The following PCDH9 variants were observed in gnomAD, a reference collection of about 807,000 sequenced individuals.
PCDH9 encodes protocadherin 9, also known as protocadherin-9.
Under a neutral mutation model 70.6 loss-of-function variants are expected in PCDH9, and 24 were observed. The observed-to-expected ratio is 0.34, with a 90% CI of 0.25 to 0.48. PCDH9 has a LOEUF of 0.48. PCDH9 is among the 20% of genes least tolerant of loss of function. PCDH9 has a pLI of 0.99. For synonymous variants in PCDH9, 562 were observed against 558.5 expected (o/e 1.01, Z -0.09); for missense variants, 1,281 against 1,503.6 (o/e 0.85, Z 2.45).
chr13:66,378,451 G>A (rs992006859), intron 4 of PCDH9, among the ~76,000 whole-genome samples: 4 of 152,090 alleles, frequency 2.6e-5, no homozygotes, highest in Non-Finnish European at 5.9e-5. Flanking sequence ...GTGTTTAACT[G>A]TAAATTTTCA....
chr13:66,338,850 C>T (rs746182785), intron 4 of PCDH9, among the ~76,000 whole-genome samples: 15 of 150,404 alleles, frequency 1.0e-4, no homozygotes, highest in Non-Finnish European at 1.6e-4. Context: ...TCCATTGCTT[C>T]TGCAGAGATG....
intron 3 of PCDH9, among the ~76,000 whole-genome samples, chr13:66,699,205 C>T (rs931127550): frequency 6.6e-6 from 1 of 152,040 alleles, no homozygotes; most frequent in African/African-American, 2.4e-5. Context: ...TGAGCCACTG[C>T]GCCTGGCCCC....
chr13:66,705,141 A>T (rs1385000943), intron 3 of PCDH9, among the ~76,000 whole-genome samples: 1 of 152,176 alleles, frequency 6.6e-6, no homozygotes, highest in Non-Finnish European at 1.5e-5. Flanking sequence ...TAGAGTGTTT[A>T]TGGAAGAGAT....
chr13:66,953,007 T>C (rs183618701), intron 2 of PCDH9, among the ~76,000 whole-genome samples: 21 of 152,198 alleles, frequency 1.4e-4, no homozygotes, highest in Non-Finnish European at 2.4e-4. Flanking sequence ...CTCATACATT[T>C]AACTTGTAAA....
At chr13:67,223,485 TATCATAAA>T (rs1299415377) in intron 2 of PCDH9, 2 of 152,152 alleles carry the variant, frequency 1.3e-5, no homozygotes, top group Non-Finnish European at 2.9e-5. Flanking sequence ...TAATTATGCA[TATCATAAA>T]ATACCATGTG....
chr13:67,020,084 A>G (rs1034724916), intron 2 of PCDH9, among the ~76,000 whole-genome samples: 20 of 152,216 alleles, frequency 1.3e-4, no homozygotes, highest in African/African-American at 4.6e-4. Flanking sequence ...TTTCAGAATG[A>G]GCATGTATCA....
intron 4 of PCDH9, among the ~76,000 whole-genome samples, chr13:66,584,298 C>T (rs1424821947): frequency 6.6e-6 from 1 of 152,078 alleles, no homozygotes; most frequent in African/African-American, 2.4e-5. Context: ...TGCAATATCT[C>T]AAAGCAATCC....
At chr13:66,730,654 A>T (rs2079060251) in intron 3 of PCDH9, among the ~76,000 whole-genome samples, 1 of 151,662 alleles carries the variant, frequency 6.6e-6, no homozygotes, top group African/African-American at 2.4e-5. Context: ...TGACTGACAT[A>T]ACAGGTGCAC....
At chr13:66,793,026 C>A (rs111661848) in intron 3 of PCDH9, among the ~76,000 whole-genome samples, 6,144 of 151,994 alleles carry the variant, frequency 0.04, 435 homozygotes, top group African/African-American at 0.14. Context: ...TGGTAAGATT[C>A]TTTGTGAACC....
chr13:66,559,821 T>C (rs865815421), intron 4 of PCDH9, among the ~76,000 whole-genome samples: 1 of 77,320 alleles, frequency 1.3e-5, no homozygotes, highest in Non-Finnish European at 2.5e-5. Context: ...AAAAAAAATA[T>C]ATATATATAT....
intron 3 of PCDH9, among the ~76,000 whole-genome samples, chr13:66,860,309 G>A (rs2081461115): frequency 6.7e-6 from 1 of 148,784 alleles, no homozygotes; most frequent in South Asian, 2.3e-4. Flanking sequence ...CTTCTGGAAA[G>A]ATGCCACTTC....
At chr13:67,138,102 C>T (rs979125694) in intron 2 of PCDH9, among the ~76,000 whole-genome samples, 6 of 151,898 alleles carry the variant, frequency 4.0e-5, no homozygotes, top group African/African-American at 1.5e-4. Context: ...AAAAATTCAC[C>T]GACTTCTATA....
chr13:67,210,731 T>C (rs1186505737), intron 2 of PCDH9: 2 of 152,040 alleles, frequency 1.3e-5, no homozygotes, highest in South Asian at 4.1e-4. Context: ...TGAATAGACA[T>C]TATTGTAGCC....
chr13:66,813,873 T>TA (rs1401546924), intron 3 of PCDH9, among the ~76,000 whole-genome samples: 1 of 151,766 alleles, frequency 6.6e-6, no homozygotes, highest in African/African-American at 2.4e-5. Flanking sequence ...TTGGTCTAAA[T>TA]AAAAAAAATC....
intron 2 of PCDH9, among the ~76,000 whole-genome samples, chr13:67,059,927 G>A (rs1202646047): frequency 7.0e-6 from 1 of 143,122 alleles, no homozygotes; most frequent in Non-Finnish European, 1.5e-5. Flanking sequence ...TTCACTAGAT[G>A]CTCAAAAAGT....
chr13:67,025,056 T>C lies in PCDH9; in HGVS notation c.3037-121451A>G, dbSNP rs139308264. On this transcript the variant is annotated intron_variant, in intron 2 of 4. Transcript: ENST00000377865. ...CCAATTAGTCACATGGAATTTACCA[T>C]GAAGTATATGTTATTATTTATAAAT... Among the ~76,000 whole-genome samples, 15 of 152,258 alleles carry C rather than the reference T, an allele frequency of 9.9e-5. No individual in the cohort carries two copies. The East Asian group carries it at 2.9e-3, about 29-fold the overall frequency.
intron 3 of PCDH9, among the ~76,000 whole-genome samples, chr13:66,711,226 T>A (rs1472566945): frequency 6.6e-6 from 1 of 152,124 alleles, no homozygotes; most frequent in Admixed American, 6.5e-5. Flanking sequence ...CCATATATAA[T>A]GACATAGAAA....
At chr13:66,397,544 T>C (rs1957123015) in intron 4 of PCDH9, among the ~76,000 whole-genome samples, 1 of 150,028 alleles carries the variant, frequency 6.7e-6, no homozygotes, top group Non-Finnish European at 1.5e-5. Context: ...CACATATATG[T>C]CGATATATAT....
At chr13:67,171,742 G>A (rs1012224710) in intron 2 of PCDH9, among the ~76,000 whole-genome samples, 9 of 152,140 alleles carry the variant, frequency 5.9e-5, no homozygotes, top group Admixed American at 1.3e-4. Context: ...TGTTTGAGGC[G>A]ATTGAACCTG....
Sources: allele counts gnomAD v4.1 joint callset (sites outside exome capture counted in the v4.1 genomes callset), GRCh38; gene constraint gnomAD v4.1.1; transcripts MANE v1.5; gene names NCBI Gene and HGNC (gene_info 2026-07-23, HGNC 2026-07-21).